Variants in TMEM150C observed in about 807,000 individuals in gnomAD.
TMEM150C encodes tentonin 3.
Under a neutral mutation model 29.9 loss-of-function variants are expected in TMEM150C, and 10 were observed. That is an observed-to-expected ratio of 0.33 (90% CI 0.21 to 0.57). TMEM150C has a LOEUF of 0.57. Ranked by LOEUF, TMEM150C falls within the 20% of genes least tolerant of loss-of-function variation. The probability of loss-of-function intolerance (pLI) is 0.88; values close to 1 mark genes in which losing one functional copy is unlikely to be tolerated. For synonymous variants in TMEM150C, 101 were observed against 112.5 expected (o/e 0.90, Z 0.64); for missense variants, 251 against 303.6 (o/e 0.83, Z 1.29).
At chr4:82,490,022 T>G (rs1334930651) in intron 7 of TMEM150C, 39 bp downstream of exon 7, 1 of 1,595,228 alleles carries the variant, frequency 6.3e-7, no homozygotes, top group African/African-American at 1.3e-5. Context: ...CTTGTTTTCA[T>G]CTTACTGGCA....
chr4:82,531,615 C>T (rs969362299), intron 1 of TMEM150C, among the ~76,000 whole-genome samples: 10 of 151,808 alleles, frequency 6.6e-5, no homozygotes, highest in Admixed American at 2.6e-4. Flanking sequence ...ATTAGCTGGG[C>T]GTAGTGGCAC....
rs577698414 is a variant in TMEM150C, at chr4:82,490,076, G to C, written c.526C>G (p.Leu176Val). ...CAAAGGATACAGAGGACCACACAGA[G>C]AGTGATAGATGCCGACAGAATAACC... ...PRVILSASIT[L>V]CVVLYFILMA... The change falls in exon 7 of 8, where the codon CTC (leucine) becomes GTC (valine). Residue 176 changes from leucine (L) to valine (V), a missense_variant. Coordinates refer to ENST00000449862, the MANE Select transcript of TMEM150C (RefSeq NM_001080506.3). 5.6e-6 allele frequency: 9 copies of C among 1,613,962 alleles called. No individual in the cohort carries two copies. The highest frequency in any genetic ancestry group is 7.6e-6 in the Non-Finnish European group (9 of 1,179,860).
intron 6 of TMEM150C, chr4:82,495,771 C>G (rs1182243463): frequency 2.6e-6 from 1 of 388,904 alleles, no homozygotes; most frequent in East Asian, 5.5e-5. Flanking sequence ...ATTCTTCACC[C>G]AGAGCATAAG....
intron 1 of TMEM150C, among the ~76,000 whole-genome samples, chr4:82,507,572 A>G (rs1391078592): frequency 6.6e-6 from 1 of 152,126 alleles, no homozygotes. Flanking sequence ...GTACTGGGAA[A>G]GGATTCCAGG....
rs1298755944 is a variant in TMEM150C at position 82,557,733 on chromosome 4, T to C, written c.-11+4173A>G. 3.5e-5 allele frequency among the ~76,000 whole-genome samples: 5 copies of C among 141,058 alleles called. No homozygotes were observed. The East Asian group carries it at 1.0e-3, about 28-fold the overall frequency. 92.5% of individuals were successfully genotyped at this position (141,058 alleles called of 152,430 possible). On this transcript the variant is annotated intron_variant, in intron 1 of 7. Coordinates refer to ENST00000449862, the MANE Select transcript of TMEM150C (RefSeq NM_001080506.3). ...GTACAAGTGGTTTTTCTTTTCTTTT[T>C]CTTTTTTTTTTTTTTTTTGATATGG...
intron 5 of TMEM150C, among the ~76,000 whole-genome samples, chr4:82,500,322 A>G (rs907369468): frequency 2.0e-5 from 3 of 152,256 alleles, no homozygotes; most frequent in African/African-American, 7.2e-5. Context: ...GACTAAAATA[A>G]TAGTCTGAAG....
intron 1 of TMEM150C, among the ~76,000 whole-genome samples, chr4:82,552,943 C>G (rs1725630379): frequency 1.3e-5 from 2 of 152,310 alleles, no homozygotes; most frequent in Middle Eastern, 3.4e-3. Flanking sequence ...GAAGCCAGAT[C>G]ACATTAGTTA....
chr4:82,485,638 A>C lies in TMEM150C; in HGVS notation c.623T>G (p.Phe208Cys). Residue 208 changes from phenylalanine to cysteine, a missense_variant, in exon 8 of 8, where the codon TTT (phenylalanine) becomes TGT (cysteine). Phe to Cys is a radical substitution (Grantham distance 205, BLOSUM62 -2). Transcript: ENST00000449862. ...CCGGAACTCCACGGCAAAGGTGCCAAAATAAGACAGGAAGCACATGACCAG... is the reference window on the plus strand; with the variant it reads ...CCGGAACTCCACGGCAAAGGTGCCACAATAAGACAGGAAGCACATGACCAG... Reference protein sequence around the residue: ...WGLVMCFLSYFGTFAVEFRHY... With the variant: ...WGLVMCFLSYCGTFAVEFRHY... 1 of 1,610,118 alleles carries C rather than the reference A, an allele frequency of 6.2e-7. No individual in the cohort carries two copies. The highest frequency in any genetic ancestry group is 8.5e-7 in the Non-Finnish European group (1 of 1,178,192).
At chr4:82,487,919 C>T (rs928121910) in intron 7 of TMEM150C, among the ~76,000 whole-genome samples, 1 of 151,608 alleles carries the variant, frequency 6.6e-6, no homozygotes, top group Non-Finnish European at 1.5e-5. Flanking sequence ...CTATTTTGAA[C>T]TTTTTATTTA....
At position 82,483,646 on chromosome 4, in the gene TMEM150C, T is replaced by C. The variant is rs1265270160; in HGVS notation, c.*1865A>G. 1.3e-5 allele frequency: 2 copies of C among 152,216 alleles called. No individual in the cohort carries two copies. The highest frequency in any genetic ancestry group is 4.8e-5 in the African/African-American group (2 of 41,450). 9.4% of individuals were successfully genotyped at this position (152,216 alleles called of 1,614,324 possible). A position where few individuals can be genotyped will look rare whatever the true frequency, so the allele number is the denominator to read the frequency against. On this transcript the variant is annotated 3_prime_UTR_variant, in exon 8 of 8. Coordinates refer to ENST00000449862, the MANE Select transcript of TMEM150C (RefSeq NM_001080506.3). The stretch of plus-strand genomic sequence containing the variant: ...CTTTTTCCTACTCTTAAATTATTAA[T>C]AATTCTATTCAACAGACATTTATTG...
chr4:82,540,617 A>C (rs1366099686), intron 1 of TMEM150C, among the ~76,000 whole-genome samples: 1 of 152,118 alleles, frequency 6.6e-6, no homozygotes, highest in Non-Finnish European at 1.5e-5. Flanking sequence ...TAAAAGAAGC[A>C]CCCATTGAAA....
intron 6 of TMEM150C, 138 bp from the exon 7 acceptor site, chr4:82,490,376 GCTCTTCGTT>G (rs1256728697): frequency 2.6e-6 from 2 of 778,370 alleles, no homozygotes; most frequent in African/African-American, 3.5e-5. Flanking sequence ...AGAAAGATTA[GCTCTTCGTT>G]CTATTCTCAA....
chr4:82,502,861 G>A (rs748393510), intron 4 of TMEM150C, 34 bp downstream of exon 4: 31 of 1,595,358 alleles, frequency 1.9e-5, no homozygotes, highest in Middle Eastern at 1.7e-4. Flanking sequence ...CTTTTCCTAC[G>A]GTCCCACAGG....
At chr4:82,525,936 GCT>G (rs1411506061) in intron 1 of TMEM150C, among the ~76,000 whole-genome samples, 8 of 152,052 alleles carry the variant, frequency 5.3e-5, no homozygotes, top group Non-Finnish European at 1.2e-4. Context: ...GCAGTGTTTT[GCT>G]CTGTCACTCA....
intron 1 of TMEM150C, among the ~76,000 whole-genome samples, chr4:82,559,057 C>A (rs1725832461): frequency 6.6e-6 from 1 of 152,094 alleles, no homozygotes; most frequent in South Asian, 2.1e-4. Context: ...TGAGAATGTA[C>A]TTTGTGAGAT....
chr4:82,547,761 T>A (rs1725435171), intron 1 of TMEM150C, among the ~76,000 whole-genome samples: 1 of 152,146 alleles, frequency 6.6e-6, no homozygotes, highest in Non-Finnish European at 1.5e-5. Flanking sequence ...GGTGGGAATA[T>A]AAATTAGTCC....
At chr4:82,510,297 A>AAAAG (rs1724083895) in intron 1 of TMEM150C, among the ~76,000 whole-genome samples, 1 of 152,188 alleles carries the variant, frequency 6.6e-6, no homozygotes, top group Non-Finnish European at 1.5e-5. Flanking sequence ...AAACAAAAAA[A>AAAAG]AAACTTGATT....
intron 1 of TMEM150C, among the ~76,000 whole-genome samples, chr4:82,558,266 A>G (rs1375765278): frequency 6.6e-6 from 1 of 152,212 alleles, no homozygotes; most frequent in Non-Finnish European, 1.5e-5. Flanking sequence ...CAGTTCCTCA[A>G]TTACACTAGC....
At chr4:82,551,429 G>A (rs1052868498) in intron 1 of TMEM150C, among the ~76,000 whole-genome samples, 3 of 152,274 alleles carry the variant, frequency 2.0e-5, no homozygotes, top group Middle Eastern at 3.4e-3. Flanking sequence ...AATCATATTT[G>A]AATGAATGAG....
Sources: gnomAD v4.1 joint callset for allele counts (sites outside exome capture counted in the v4.1 genomes callset) on GRCh38, gnomAD v4.1.1 for gene constraint, MANE v1.5 for transcripts, NCBI Gene and HGNC (gene_info 2026-07-23, HGNC 2026-07-21) for gene names.